Variants in EPHA5 observed in about 807,000 individuals in gnomAD.
EPHA5 encodes ephrin type-A receptor 5.
Under a neutral mutation model 105.0 loss-of-function variants are expected in EPHA5, and 60 were observed. That is an observed-to-expected ratio of 0.57 (90% CI 0.46 to 0.71). The LOEUF is 0.71. EPHA5 is among the 30% of genes least tolerant of loss of function. The pLI is 0.00. For synonymous variants in EPHA5, 513 were observed against 449.1 expected (o/e 1.14, Z -1.80); for missense variants, 1,218 against 1,274.7 (o/e 0.96, Z 0.68).
intron 3 of EPHA5, among the ~76,000 whole-genome samples, chr4:65,518,179 G>A (rs4860676): frequency 0.13 from 19,000 of 151,738 alleles, 1,394 homozygotes; most frequent in Middle Eastern, 0.26. Flanking sequence ...TTTTGGTCAT[G>A]ATATAAATGC....
chr4:65,598,187 C>T (rs1743368654), intron 3 of EPHA5, among the ~76,000 whole-genome samples: 2 of 152,044 alleles, frequency 1.3e-5, no homozygotes, highest in South Asian at 2.1e-4. Flanking sequence ...GTTCTGTGCT[C>T]TGTAAAATTC....
chr4:65,365,283 T>A, intron 10 of EPHA5, 81 bp from the exon 11 acceptor site: 2 of 1,157,474 alleles, frequency 1.7e-6, no homozygotes, highest in Non-Finnish European at 2.5e-6. Context: ...CTTAGACTAC[T>A]AAGGCTTAGA....
rs114096365 is a variant in EPHA5 at position 65,486,091 on chromosome 4, T to C, written c.1402+4286A>G. On this transcript the variant is annotated intron_variant, in intron 5 of 16. Coordinates refer to ENST00000613740, the MANE Select transcript of EPHA5 (RefSeq NM_001281766.3). Reference sequence around the variant, plus strand: ...CAGACAGACTTTTTGTTTATTATTCTAAGGACACCTCCCAGAGATTACCTG... The same window carrying C: ...CAGACAGACTTTTTGTTTATTATTCCAAGGACACCTCCCAGAGATTACCTG... Among the ~76,000 whole-genome samples, 1,045 of 152,272 alleles carry C rather than the reference T, an allele frequency of 6.9e-3. 16 individuals carry two copies. The highest frequency in any genetic ancestry group is 0.024 in the African/African-American group (1,001 of 41,556).
intron 14 of EPHA5, among the ~76,000 whole-genome samples, chr4:65,342,234 A>AT (rs1359695043): frequency 3.3e-5 from 5 of 152,022 alleles, no homozygotes; most frequent in Admixed American, 6.6e-5. Context: ...TTTATGTGTC[A>AT]TTTTTTTCAA....
chr4:65,384,430 G>A (rs1367511218), intron 8 of EPHA5, among the ~76,000 whole-genome samples: 1 of 151,902 alleles, frequency 6.6e-6, no homozygotes, highest in African/African-American at 2.4e-5. Flanking sequence ...CCTAATAACT[G>A]CAAACTTCCC....
At chr4:65,608,361 G>A (rs150616052) in intron 2 of EPHA5, among the ~76,000 whole-genome samples, 5,196 of 151,870 alleles carry the variant, frequency 0.034, 277 homozygotes, top group African/African-American at 0.12. Context: ...AAAATTAGCC[G>A]GGCGTGGTGG....
chr4:65,365,457 A>G (rs1283951722), intron 10 of EPHA5, among the ~76,000 whole-genome samples: 1 of 150,858 alleles, frequency 6.6e-6, no homozygotes, highest in African/African-American at 2.4e-5. Flanking sequence ...CCTCTATCTC[A>G]CTTACAAAAA....
chr4:65,330,698 A>C, intron 16 of EPHA5: 1 of 857,148 alleles, frequency 1.2e-6, no homozygotes, highest in South Asian at 5.5e-5. Context: ...ATTAAATAGC[A>C]ATCATGTAAA....
chr4:65,573,587 T>C, intron 3 of EPHA5: 1 of 1,598,690 alleles, frequency 6.3e-7, no homozygotes, highest in Non-Finnish European at 8.5e-7. Flanking sequence ...GGAAGCCCCG[T>C]TGCAGCCGCA....
chr4:65,426,537 G>A (rs1321884345), intron 5 of EPHA5, among the ~76,000 whole-genome samples: 4 of 152,062 alleles, frequency 2.6e-5, no homozygotes, highest in Admixed American at 2.0e-4. Flanking sequence ...CATGATGGGA[G>A]GTACTTCTAC....
At chr4:65,562,368 G>A (rs549914683) in intron 3 of EPHA5, among the ~76,000 whole-genome samples, 35 of 152,090 alleles carry the variant, frequency 2.3e-4, no homozygotes, top group African/African-American at 7.5e-4. Flanking sequence ...TTTTGGAGAC[G>A]TTTAGGGTTC....
chr4:65,462,568 G>T (rs1038281146), intron 5 of EPHA5, among the ~76,000 whole-genome samples: 1 of 151,828 alleles, frequency 6.6e-6, no homozygotes, highest in African/African-American at 2.4e-5. Flanking sequence ...GGGCTTCAGT[G>T]GGGGAGGCTA....
At chr4:65,434,102 T>G (rs1452007426) in intron 5 of EPHA5, among the ~76,000 whole-genome samples, 1 of 152,044 alleles carries the variant, frequency 6.6e-6, no homozygotes, top group Non-Finnish European at 1.5e-5. Context: ...TAGCCTCTGG[T>G]TCAGTAGTCA....
chr4:65,344,556 C>T (rs963337119), intron 14 of EPHA5, among the ~76,000 whole-genome samples: 3 of 152,062 alleles, frequency 2.0e-5, no homozygotes, highest in African/African-American at 7.2e-5. Context: ...TAGAAGTTAA[C>T]CAGGCAAATA....
chr4:65,380,855 G>T (rs1021632960), intron 8 of EPHA5, among the ~76,000 whole-genome samples: 1 of 151,666 alleles, frequency 6.6e-6, no homozygotes, highest in African/African-American at 2.4e-5. Context: ...CTATCAAAAG[G>T]CAATAAAATG....
At chr4:65,660,112 A>C (rs1287474529) in intron 1 of EPHA5, among the ~76,000 whole-genome samples, 1 of 152,108 alleles carries the variant, frequency 6.6e-6, no homozygotes, top group Non-Finnish European at 1.5e-5. Flanking sequence ...ACATACTATT[A>C]TTATAGGACT....
chr4:65,560,067 TTA>T (rs1738852997), intron 3 of EPHA5, among the ~76,000 whole-genome samples: 1 of 152,156 alleles, frequency 6.6e-6, no homozygotes, highest in Non-Finnish European at 1.5e-5. Context: ...GCTTGATTTT[TTA>T]TGACTGTGAC....
At chr4:65,430,823 A>T (rs1724900020) in intron 5 of EPHA5, among the ~76,000 whole-genome samples, 1 of 152,106 alleles carries the variant, frequency 6.6e-6, no homozygotes. Flanking sequence ...CAGATTATCT[A>T]ATTTCTTCTT....
chr4:65,639,624 T>C (rs1188893062), intron 2 of EPHA5, among the ~76,000 whole-genome samples: 1 of 152,206 alleles, frequency 6.6e-6, no homozygotes, highest in Admixed American at 6.5e-5. Flanking sequence ...TGCATTAATG[T>C]TTCCTCATCA....
Sources: allele counts gnomAD v4.1 joint callset (sites outside exome capture counted in the v4.1 genomes callset), GRCh38; gene constraint gnomAD v4.1.1; transcripts MANE v1.5; gene names NCBI Gene and HGNC (gene_info 2026-07-23, HGNC 2026-07-21).